Variants in COL5A1 observed in about 807,000 individuals in gnomAD.
COL5A1 encodes collagen type V alpha 1 chain.
COL5A1 carries 16 observed loss-of-function variants against 263.7 expected under a neutral mutation model. That is an observed-to-expected ratio of 0.06 (90% CI 0.04 to 0.09). The LOEUF is 0.09. Among genes scored for constraint, COL5A1 ranks in the 10% least tolerant of loss-of-function variants. The probability of loss-of-function intolerance (pLI) is 1.00; values close to 1 mark genes in which losing one functional copy is unlikely to be tolerated. For missense variants in COL5A1, 2,036 were observed against 2,540.5 expected (o/e 0.80, Z 4.27); for synonymous variants, 1,012 against 1,004.5 (o/e 1.01, Z -0.14).
intron 53 of COL5A1, 56 bp from the exon 54 acceptor site, chr9:134,817,722 G>C (rs989753625): frequency 3.2e-6 from 5 of 1,554,448 alleles, no homozygotes; most frequent in Non-Finnish European, 4.4e-6. Flanking sequence ...ACCCGAGCTC[G>C]TCCCTCCACC....
chr9:134,807,132 T>C (rs1256190795), intron 42 of COL5A1, among the ~76,000 whole-genome samples: 5 of 152,260 alleles, frequency 3.3e-5, no homozygotes, highest in African/African-American at 9.6e-5. Flanking sequence ...CAGTGTCCCC[T>C]ACCTCTGCAT....
intron 18 of COL5A1, among the ~76,000 whole-genome samples, chr9:134,760,759 A>T (rs111207704): frequency 3.0e-5 from 4 of 133,392 alleles, no homozygotes; most frequent in East Asian, 2.5e-4. Flanking sequence ...CACACCCCAC[A>T]CATACACGAA....
chr9:134,734,020 C>T (rs896481241), intron 9 of COL5A1, among the ~76,000 whole-genome samples: 5 of 152,110 alleles, frequency 3.3e-5, no homozygotes, highest in African/African-American at 1.2e-4. Flanking sequence ...CTGGGAGGGC[C>T]GGACTGAAAC....
intron 4 of COL5A1, chr9:134,708,430 C>G (rs1833919912): frequency 5.1e-6 from 2 of 395,794 alleles, no homozygotes; most frequent in South Asian, 1.9e-5. Flanking sequence ...GGGGTGGGGG[C>G]TCTGGTGCAC....
chr9:134,812,346 G>A (rs560036300), intron 46 of COL5A1, 103 bp from the exon 47 acceptor site: 22 of 1,226,996 alleles, frequency 1.8e-5, no homozygotes, highest in South Asian at 1.7e-4. Flanking sequence ...CCGGGGCTTC[G>A]GGGGCTCAGT....
intron 4 of COL5A1, among the ~76,000 whole-genome samples, chr9:134,705,954 G>T (rs1267821320): frequency 1.3e-5 from 2 of 152,336 alleles, no homozygotes; most frequent in Middle Eastern, 3.4e-3. Context: ...AGTGCTCCGG[G>T]GCGCCTCCTG....
intron 29 of COL5A1, among the ~76,000 whole-genome samples, chr9:134,783,830 T>A (rs997055202): frequency 4.6e-5 from 7 of 152,202 alleles, no homozygotes; most frequent in African/African-American, 1.7e-4. Flanking sequence ...TTCTAGAACT[T>A]CTTTCCTAGT....
chr9:134,668,058 C>T (rs1383219308), intron 1 of COL5A1, among the ~76,000 whole-genome samples: 1 of 152,174 alleles, frequency 6.6e-6, no homozygotes, highest in Admixed American at 6.5e-5. Flanking sequence ...CACTTTGGGT[C>T]AGTCATAGCC....
intron 2 of COL5A1, 27 bp from the exon 3 acceptor site, chr9:134,699,882 C>A: frequency 6.2e-7 from 1 of 1,610,852 alleles, no homozygotes. Context: ...TCCCCGACTG[C>A]CTTCTCACCT....
intron 4 of COL5A1, among the ~76,000 whole-genome samples, chr9:134,714,046 C>T (rs1834159641): frequency 6.6e-6 from 1 of 152,214 alleles, no homozygotes; most frequent in Non-Finnish European, 1.5e-5. Flanking sequence ...GTGCTGCCTC[C>T]CAAGTCTTCT....
rs963540956 is a variant in COL5A1 at position 134,642,251 on chromosome 9, C to T, written c.64C>T (p.Pro22Ser). ...CCGCCCGGGCGCCCCGCTGCTGCCC[C>T]CGCTGCTGCTGCTGCTGCTGTGGGC... ...ALRPGAPLLP[P>S]LLLLLLWAPP... The change falls in exon 1 of 66, where the codon CCG becomes TCG. Residue 22 changes from proline (P) to serine (S), a missense_variant. This residue lies in a region of COL5A1 where 600 missense variants were observed against 634.5 expected (regional missense o/e 0.95). Transcript: ENST00000371817. The surrounding 1 kb of genome is among the most constrained non-coding windows in gnomAD (Gnocchi z 4.5). The T allele has an allele frequency of 3.9e-6, 5 of 1,278,456 alleles. No individual in the cohort carries two copies. Among genetic ancestry groups the T allele is most frequent in the East Asian group, 3.5e-5 (1 of 28,822 alleles). The allele number at this position is 1,278,456 out of a possible 1,614,324, so 79.2% of individuals were successfully genotyped here. A position where few individuals can be genotyped will look rare whatever the true frequency, so the allele number is the denominator to read the frequency against.
intron 19 of COL5A1, 36 bp from the exon 20 acceptor site, chr9:134,763,657 T>A: frequency 1.9e-6 from 3 of 1,610,196 alleles, no homozygotes; most frequent in Non-Finnish European, 2.5e-6. Flanking sequence ...GGCTAACAGC[T>A]CATTTCTCTA....
At chr9:134,814,938 A>G in intron 50 of COL5A1, 34 bp downstream of exon 50, 1 of 1,467,876 alleles carries the variant, frequency 6.8e-7, no homozygotes, top group Non-Finnish European at 9.3e-7. Flanking sequence ...GGGGCCCTGC[A>G]GCAGGGGCGG....
In COL5A1 at chr9:134,647,435, C is replaced by T. The variant is rs1464048412; in HGVS notation, c.109+5139C>T. Among the ~76,000 whole-genome samples the T allele has an allele frequency of 4.6e-5, 7 of 152,262 alleles. No homozygotes were observed. The highest frequency in any genetic ancestry group is 1.9e-4 in the East Asian group (1 of 5,170). On this transcript the variant is annotated intron_variant, in intron 1 of 65. Transcript: ENST00000371817. The surrounding 1 kb of genome is among the most constrained non-coding windows in gnomAD (Gnocchi z 5.0). ...CGTGTGGACAATGTGTATATCTCCCCGCGATCTGCCTGCACACATGTGTTT... is the reference window on the plus strand; with the variant it reads ...CGTGTGGACAATGTGTATATCTCCCTGCGATCTGCCTGCACACATGTGTTT...
At chr9:134,664,012 C>T (rs1173970361) in intron 1 of COL5A1, among the ~76,000 whole-genome samples, 1 of 152,200 alleles carries the variant, frequency 6.6e-6, no homozygotes, top group African/African-American at 2.4e-5. Context: ...CCCTGCCCAC[C>T]CTCGGGAATC....
intron 23 of COL5A1, 111 bp downstream of exon 23, chr9:134,767,164 C>A: frequency 1.4e-6 from 2 of 1,417,300 alleles, no homozygotes; most frequent in Non-Finnish European, 2.0e-6. Flanking sequence ...CAAGTAGCAG[C>A]CCCTCCCCTT....
chr9:134,767,464 T>A, intron 24 of COL5A1, 110 bp downstream of exon 24: 1 of 1,034,514 alleles, frequency 9.7e-7, no homozygotes, highest in Non-Finnish European at 1.5e-6. Context: ...TATATCTTGG[T>A]GCTCCCAAGA....
At chr9:134,813,655 A>G (rs1163330081) in intron 48 of COL5A1, among the ~76,000 whole-genome samples, 2 of 152,196 alleles carry the variant, frequency 1.3e-5, no homozygotes, top group Non-Finnish European at 2.9e-5. Flanking sequence ...GGCCCTGGCC[A>G]TCCCCCACCT....
At chr9:134,788,686 T>TAGATGGATAGAC (rs1837561027) in intron 31 of COL5A1, among the ~76,000 whole-genome samples, 1 of 148,182 alleles carries the variant, frequency 6.7e-6, no homozygotes, top group African/African-American at 2.6e-5. Context: ...GATAGACAGA[T>TAGATGGATAGAC]AGGTGGGCCA....
Sources: gnomAD v4.1 joint callset for allele counts (sites outside exome capture counted in the v4.1 genomes callset) on GRCh38, gnomAD v4.1.1 for gene constraint, gnomAD v4.1.1 regional missense constraint, Gnocchi (gnomAD v3.1) non-coding constraint, MANE v1.5 for transcripts, NCBI Gene and HGNC (gene_info 2026-07-23, HGNC 2026-07-21) for gene names.